Variants in SULT1C2 observed in about 807,000 individuals in gnomAD.
SULT1C2 encodes the protein sulfotransferase 1C2.
A neutral mutation model predicts 36.0 loss-of-function variants in SULT1C2; 27 were observed. That is an observed-to-expected ratio of 0.75 (90% CI 0.55 to 1.03). The LOEUF (loss-of-function observed/expected upper bound fraction) is 1.03, where lower values mean the gene tolerates loss of function less well. Among genes scored for constraint, SULT1C2 ranks in the 50% least tolerant of loss-of-function variants. The probability of loss-of-function intolerance (pLI) is 0.00; values close to 1 mark genes in which losing one functional copy is unlikely to be tolerated. For synonymous variants in SULT1C2, 121 were observed against 116.0 expected (o/e 1.04, Z -0.27); for missense variants, 395 against 359.2 (o/e 1.10, Z -0.80).
chr2:108,305,590 G>C lies in SULT1C2; in HGVS notation c.773G>C (p.Arg258Thr). 6.2e-7 allele frequency: 1 copy of C among 1,614,170 alleles called. No individual in the cohort carries two copies. Among genetic ancestry groups the C allele is most frequent in the South Asian group, 1.1e-5 (1 of 91,078 alleles). Residue 258 changes from arginine to threonine, a missense_variant, in exon 7 of 8, where the codon AGA becomes ACA. Transcript: ENST00000251481. ...ILDQSISSFM[R>T]KGTVGDWKNH... ...GACCAGTCAATTTCCTCCTTCATGA[G>C]AAAAGGTGTGTGGGGCCTCTTTATC...
rs752733397 is a variant in SULT1C2, at chr2:108,305,377, C to T, written c.598-38C>T. On this transcript the variant is annotated intron_variant, in intron 6 of 7. Transcript: ENST00000251481. ...AGAATTGTAGTATTTCTTTATGATACTCTCATTCATTCCAGTCCAATGTTA... is the reference window on the plus strand; with the variant it reads ...AGAATTGTAGTATTTCTTTATGATATTCTCATTCATTCCAGTCCAATGTTA... 3.0e-5 allele frequency: 48 copies of T among 1,610,384 alleles called. No homozygotes were observed. In the East Asian group the frequency reaches 1.0e-3, roughly 34 times the overall value.
At position 108,295,166 on chromosome 2, in the gene SULT1C2, A is replaced by G. The variant is rs145281769; in HGVS notation, c.277+812A>G. Among the ~76,000 whole-genome samples, 50 of 152,368 alleles carry G rather than the reference A, an allele frequency of 3.3e-4. 1 individual carries two copies. Among genetic ancestry groups the G allele is most frequent in the Admixed American group, 3.3e-3 (50 of 15,310 alleles). Reference sequence around the variant, plus strand: ...ATAGAAATTCCCTGATCTGATGCATACAAGACACTTGTAACCTGTGGAAGG... The same window carrying G: ...ATAGAAATTCCCTGATCTGATGCATGCAAGACACTTGTAACCTGTGGAAGG... On this transcript the variant is annotated intron_variant, in intron 3 of 7. Coordinates refer to ENST00000251481, the MANE Select transcript of SULT1C2 (RefSeq NM_001056.4).
In SULT1C2 at chr2:108,304,648, T is replaced by G; in HGVS notation, c.450T>G (p.Leu150=). The G allele has an allele frequency of 6.2e-7, 1 of 1,613,976 alleles. No individual in the cohort carries two copies. Among genetic ancestry groups the G allele is most frequent in the South Asian group, 1.1e-5 (1 of 91,020 alleles). Residue 150 remains leucine (L), a synonymous_variant, in exon 5 of 8, where the codon CTT becomes CTG. Transcript: ENST00000251481. ...YYHFQRMNHM[L]PDPGTWEEYF... is the part of the protein sequence containing the mutation. ...ATTTCCAAAGGATGAACCACATGCT[T>G]CCTGACCCTGGTACCTGGGAAGAGT... is the stretch of plus-strand genomic sequence containing the variant.
At chr2:108,299,194 G>A (rs142248799) in intron 3 of SULT1C2, 1 of 152,252 alleles carries the variant, frequency 6.6e-6, no homozygotes, top group Admixed American at 6.5e-5. Flanking sequence ...TGAGCACTGG[G>A]TGTCCAGAGG....
intron 1 of SULT1C2, among the ~76,000 whole-genome samples, chr2:108,289,792 G>C (rs183999336): frequency 3.9e-5 from 6 of 152,180 alleles, no homozygotes; most frequent in Non-Finnish European, 7.3e-5. Context: ...GTGGGAACTG[G>C]CAGATCCCTC....
At chr2:108,294,461 A>ATCTCTCCTTCCTCTTTTCTCTCTCCCCC (rs150794821) in intron 3 of SULT1C2, 107 bp downstream of exon 3, 1 of 1,003,042 alleles carries the variant, frequency 1.0e-6, no homozygotes, top group Non-Finnish European at 1.4e-6. Context: ...TCTCTCCCCC[A>ATCTCTCCTTCCTCTTTTCTCTCTCCCCC]TCTCTCCTTC....
intron 1 of SULT1C2, among the ~76,000 whole-genome samples, chr2:108,290,612 C>T (rs1188972830): frequency 6.6e-6 from 1 of 152,130 alleles, no homozygotes; most frequent in Admixed American, 6.5e-5. Context: ...CTCGTGAGGG[C>T]CATGCTGCAT....
At chr2:108,300,467 G>A in intron 3 of SULT1C2, 1 of 331,876 alleles carries the variant, frequency 3.0e-6, no homozygotes, top group Non-Finnish European at 5.4e-6. Flanking sequence ...AAACAGGCCG[G>A]GTACATGAGA....
chr2:108,305,233 G>A lies in SULT1C2; in HGVS notation c.564G>A (p.Gln188=), dbSNP rs1359531994. ...GGTGGGAGATGAAAGACAGACACCA[G>A]ATTCTCTTCCTCTTCTATGAGGACA... ...KGWWEMKDRH[Q]ILFLFYEDIK... The change falls in exon 6 of 8, where the codon CAG becomes CAA. Residue 188 remains glutamine, a synonymous_variant. Coordinates refer to ENST00000251481, the MANE Select transcript of SULT1C2 (RefSeq NM_001056.4). 2.5e-6 allele frequency: 4 copies of A among 1,614,072 alleles called. No homozygotes were observed. The African/African-American group carries it at 5.3e-5, about 22-fold the overall frequency.
chr2:108,291,416 C>T (rs1003557473), intron 1 of SULT1C2, among the ~76,000 whole-genome samples: 2 of 152,128 alleles, frequency 1.3e-5, no homozygotes, highest in Admixed American at 1.3e-4. Flanking sequence ...AAGCCCTTTG[C>T]CACACAATGT....
chr2:108,305,162 T>C lies in SULT1C2; in HGVS notation c.503-10T>C. On this transcript the variant is annotated splice_polypyrimidine_tract_variant and intron_variant, in intron 5 of 7. Transcript: ENST00000251481. Reference sequence around the variant, plus strand: ...TATGTAGACTATTCTGTTTCCTGTGTCTATTTCAGTGGTTTGGGGTTCCTG... The same window carrying C: ...TATGTAGACTATTCTGTTTCCTGTGCCTATTTCAGTGGTTTGGGGTTCCTG... 6.2e-7 allele frequency: 1 copy of C among 1,614,146 alleles called. No homozygotes were observed. Among genetic ancestry groups the C allele is most frequent in the Non-Finnish European group, 8.5e-7 (1 of 1,179,964 alleles).
chr2:108,307,556 C>A (rs972904954), intron 7 of SULT1C2, among the ~76,000 whole-genome samples: 5 of 152,272 alleles, frequency 3.3e-5, no homozygotes, highest in Admixed American at 3.3e-4. Flanking sequence ...CAGTAAATAT[C>A]TTTGTGCATA....
chr2:108,294,398 C>T, intron 3 of SULT1C2, 44 bp downstream of exon 3: 1 of 1,591,482 alleles, frequency 6.3e-7, no homozygotes, highest in Non-Finnish European at 8.6e-7. Context: ...TTCTTTCCCT[C>T]TCTCTTCTGT....
Position 108,308,504 on chromosome 2 carries a change from G to T in SULT1C2, c.*40G>T, listed in dbSNP as rs1677077697. The T allele has an allele frequency of 6.6e-7, 1 of 1,522,916 alleles. No individual in the cohort carries two copies. The allele number at this position is 1,522,916 out of a possible 1,614,324, so 94.3% of individuals were successfully genotyped here. A position where few individuals can be genotyped will look rare whatever the true frequency, so the allele number is the denominator to read the frequency against. On this transcript the variant is annotated 3_prime_UTR_variant, in exon 8 of 8. Coordinates refer to ENST00000251481, the MANE Select transcript of SULT1C2 (RefSeq NM_001056.4). ...AAATTAAAAGGTGGATGGCAAGAGT[G>T]CAAATACTATCTTCAATCCTTCAGT...
intron 4 of SULT1C2, chr2:108,304,131 G>A (rs1235700481): frequency 2.0e-5 from 3 of 152,888 alleles, no homozygotes; most frequent in South Asian, 2.1e-4. Flanking sequence ...CATTCAAGCC[G>A]AGGAGGCCAG....
At chr2:108,294,413 C>A (rs1179468300) in intron 3 of SULT1C2, 59 bp downstream of exon 3, 1 of 1,457,110 alleles carries the variant, frequency 6.9e-7, no homozygotes, top group Non-Finnish European at 9.2e-7. Context: ...TTCTGTTTTC[C>A]CCTGTCTTTT....
chr2:108,297,716 G>C (rs1411288992), intron 3 of SULT1C2, among the ~76,000 whole-genome samples: 1 of 152,074 alleles, frequency 6.6e-6, no homozygotes, highest in Admixed American at 6.5e-5. Context: ...GGTGTGGGGG[G>C]GCAGAATGTA....
In SULT1C2 at chr2:108,309,667, G is replaced by C. The variant is rs1241547155; in HGVS notation, c.*1203G>C. On this transcript the variant is annotated 3_prime_UTR_variant, in exon 8 of 8. Transcript: ENST00000251481. ...AGGGTCTTGCTATGTTGCCCAGGCT[G>C]GTCTTAACTGACTGCTTTTTATTAT... 1 of 151,632 alleles carries C rather than the reference G, an allele frequency of 6.6e-6. No homozygotes were observed. Among genetic ancestry groups the C allele is most frequent in the African/African-American group, 2.4e-5 (1 of 41,262 alleles). The allele number at this position is 151,632 out of a possible 1,614,324, so 9.4% of individuals were successfully genotyped here. A position where few individuals can be genotyped will look rare whatever the true frequency, so the allele number is the denominator to read the frequency against.
At chr2:108,305,665 A>G (rs1187950898) in intron 7 of SULT1C2, 70 bp downstream of exon 7, 1 of 1,563,132 alleles carries the variant, frequency 6.4e-7, no homozygotes, top group Non-Finnish European at 8.8e-7. Context: ...AGCAGACAAT[A>G]TTGAGTTTTA....
Sources: gnomAD v4.1 joint callset for allele counts (sites outside exome capture counted in the v4.1 genomes callset) on GRCh38, gnomAD v4.1.1 for gene constraint, MANE v1.5 for transcripts, NCBI Gene and HGNC (gene_info 2026-07-23, HGNC 2026-07-21) for gene names.